The following NR6A1 variants were observed in gnomAD, a reference collection of about 807,000 sequenced individuals.
NR6A1 encodes nuclear receptor subfamily 6 group A member 1.
A neutral mutation model predicts 59.1 loss-of-function variants in NR6A1; 7 were observed. The observed-to-expected ratio is 0.12, with a 90% CI of 0.07 to 0.22. The LOEUF (loss-of-function observed/expected upper bound fraction) is 0.22. Ranked by LOEUF, NR6A1 falls within the 10% of genes least tolerant of loss-of-function variation. The pLI is 1.00. For synonymous variants in NR6A1, 243 were observed against 236.1 expected, an observed-to-expected ratio of 1.03 and a Z score of -0.27; for missense variants, 468 against 611.6, an observed-to-expected ratio of 0.77 and a Z score of 2.48.
chr9:124,596,659 A>G (rs868389820), intron 2 of NR6A1, among the ~76,000 whole-genome samples: 1 of 152,224 alleles, frequency 6.6e-6, no homozygotes, highest in African/African-American at 2.4e-5. Flanking sequence ...ATAAGATCTT[A>G]AACAATCATC....
intron 2 of NR6A1, among the ~76,000 whole-genome samples, chr9:124,595,106 A>G (rs1247381136): frequency 6.6e-6 from 1 of 152,250 alleles, no homozygotes; most frequent in Admixed American, 6.5e-5. Flanking sequence ...AAGTTGTGGA[A>G]AAGTGGGGTT....
At chr9:124,569,117 A>C (rs951617817) in intron 2 of NR6A1, among the ~76,000 whole-genome samples, 3 of 152,320 alleles carry the variant, frequency 2.0e-5, no homozygotes, top group Admixed American at 1.3e-4. Flanking sequence ...CATCTCAAAA[A>C]AAAATGAGCC....
At chr9:124,715,285 G>A (rs1013978748) in intron 2 of NR6A1, among the ~76,000 whole-genome samples, 8 of 152,092 alleles carry the variant, frequency 5.3e-5, no homozygotes, top group Admixed American at 1.3e-4. Flanking sequence ...TGCTTTGGGA[G>A]GCTGAGGTGA....
chr9:124,590,247 C>T (rs60815306), intron 2 of NR6A1, among the ~76,000 whole-genome samples: 1 of 151,752 alleles, frequency 6.6e-6, no homozygotes, highest in Non-Finnish European at 1.5e-5. Context: ...ATTCAGGCCT[C>T]TAATTTTACC....
chr9:124,602,178 T>C (rs1042127054), intron 2 of NR6A1, among the ~76,000 whole-genome samples: 1 of 152,180 alleles, frequency 6.6e-6, no homozygotes, highest in Non-Finnish European at 1.5e-5. Flanking sequence ...ATTTTATCCA[T>C]GAATTTTTAA....
At chr9:124,602,304 G>A (rs186672183) in intron 2 of NR6A1, among the ~76,000 whole-genome samples, 1 of 152,344 alleles carries the variant, frequency 6.6e-6, no homozygotes, top group East Asian at 1.9e-4. Context: ...TTTGTCTCCT[G>A]AGAGGTCTAA....
chr9:124,523,763 GA>G (rs974445748), intron 9 of NR6A1, among the ~76,000 whole-genome samples: 2 of 150,468 alleles, frequency 1.3e-5, no homozygotes, highest in African/African-American at 4.9e-5. Flanking sequence ...CCAAGAAATA[GA>G]AAAAAAAATT....
chr9:124,652,275 C>A (rs1238060309), intron 2 of NR6A1, among the ~76,000 whole-genome samples: 1 of 152,170 alleles, frequency 6.6e-6, no homozygotes, highest in Non-Finnish European at 1.5e-5. Context: ...ATGTCCCCTC[C>A]TCAACTGTCT....
chr9:124,685,988 C>T (rs1281834981), intron 2 of NR6A1, among the ~76,000 whole-genome samples: 1 of 152,188 alleles, frequency 6.6e-6, no homozygotes, highest in Non-Finnish European at 1.5e-5. Context: ...AAAAACTCAA[C>T]TATCTGCTGG....
At chr9:124,608,567 ATGTCTT>A (rs1159702473) in intron 2 of NR6A1, among the ~76,000 whole-genome samples, 1 of 152,098 alleles carries the variant, frequency 6.6e-6, no homozygotes, top group African/African-American at 2.4e-5. Context: ...GGTTGATTCT[ATGTCTT>A]TGTTATTGTG....
chr9:124,554,621 A>T (rs988419371), intron 2 of NR6A1, 51 bp from the exon 3 acceptor site: 1 of 1,610,104 alleles, frequency 6.2e-7, no homozygotes, highest in South Asian at 1.1e-5. Context: ...TTAAGCCTAC[A>T]GTTCCTAAAG....
intron 3 of NR6A1, among the ~76,000 whole-genome samples, chr9:124,548,867 C>T (rs996658232): frequency 3.9e-5 from 6 of 152,140 alleles, no homozygotes; most frequent in Non-Finnish European, 1.5e-5. Context: ...CGCCACGAAG[C>T]TGACTGTATC....
chr9:124,711,187 TAAAAAAA>T (rs58609931), intron 2 of NR6A1, among the ~76,000 whole-genome samples: 9 of 66,498 alleles, frequency 1.4e-4, no homozygotes, highest in East Asian at 4.4e-4. Context: ...AGCTAAGGTT[TAAAAAAA>T]AAAAAAAAAA....
chr9:124,709,751 C>T (rs1295654594), intron 2 of NR6A1, among the ~76,000 whole-genome samples: 1 of 151,708 alleles, frequency 6.6e-6, no homozygotes, highest in East Asian at 1.9e-4. Flanking sequence ...CTGACCAACA[C>T]GGTGAAACCC....
At chr9:124,579,196 T>G (rs1444235774) in intron 2 of NR6A1, among the ~76,000 whole-genome samples, 1 of 152,184 alleles carries the variant, frequency 6.6e-6, no homozygotes, top group Non-Finnish European at 1.5e-5. Context: ...GGTGGAGGAT[T>G]GCCTGAGCTC....
In NR6A1 at chr9:124,554,249, A is replaced by G. The variant is rs549985523; in HGVS notation, c.385+79T>C. On this transcript the variant is annotated intron_variant, in intron 3 of 9. Transcript: ENST00000487099. ...CCTGATATGTAGTGCAAGCTTGAGG[A>G]ATAAGTAACTAAACAGCTGACACTA... 5.4e-4 allele frequency: 858 copies of G among 1,598,712 alleles called. 1 individual carries two copies. The highest frequency in any genetic ancestry group is 7.7e-4 in the Middle Eastern group (4 of 5,182).
At chr9:124,617,296 G>A (rs1231027178) in intron 2 of NR6A1, among the ~76,000 whole-genome samples, 1 of 152,178 alleles carries the variant, frequency 6.6e-6, no homozygotes, top group Non-Finnish European at 1.5e-5. Context: ...TCCTACATAA[G>A]GCATTTCTTC....
At chr9:124,532,016 C>T (rs1199130519) in intron 7 of NR6A1, among the ~76,000 whole-genome samples, 1 of 152,196 alleles carries the variant, frequency 6.6e-6, no homozygotes, top group East Asian at 1.9e-4. Flanking sequence ...TGCAACCTGA[C>T]TCTGTAATTC....
chr9:124,584,679 C>T (rs1239426915), intron 2 of NR6A1, among the ~76,000 whole-genome samples: 1 of 152,166 alleles, frequency 6.6e-6, no homozygotes. Context: ...GTTCTGACTG[C>T]TCCACTGACC....
Sources: gnomAD v4.1 joint callset for allele counts (sites outside exome capture counted in the v4.1 genomes callset) on GRCh38, gnomAD v4.1.1 for gene constraint, MANE v1.5 for transcripts, NCBI Gene and HGNC (gene_info 2026-07-23, HGNC 2026-07-21) for gene names.